The following CAMK2B variants were observed in gnomAD, a reference collection of about 807,000 sequenced individuals.
The protein encoded by CAMK2B is calcium/calmodulin dependent protein kinase II beta, also known as calcium/calmodulin-dependent protein kinase type II subunit beta.
A neutral mutation model predicts 93.7 loss-of-function variants in CAMK2B; 27 were observed. The ratio of observed to expected loss-of-function variants is 0.29; its 90% confidence interval spans 0.21 to 0.40. CAMK2B has a LOEUF of 0.40. CAMK2B is among the 10% of genes least tolerant of loss of function. The pLI, the probability that CAMK2B is intolerant of heterozygous loss-of-function variation, is 1.00. For missense variants in CAMK2B, 568 were observed against 895.8 expected (o/e 0.63, Z 4.67); for synonymous variants, 374 against 358.8 (o/e 1.04, Z -0.48).
intron 1 of CAMK2B, among the ~76,000 whole-genome samples, chr7:44,292,905 C>T (rs1035561067): frequency 6.6e-6 from 1 of 152,228 alleles, no homozygotes; most frequent in South Asian, 2.1e-4. Flanking sequence ...CACCTGATGT[C>T]CACAAGCTCA....
rs1489828341 is a variant in CAMK2B, at chr7:44,258,892, G to A, written c.255C>T (p.Phe85=). The A allele has an allele frequency of 6.2e-7, 1 of 1,614,026 alleles. No individual in the cohort carries two copies. The highest frequency in any genetic ancestry group is 2.2e-5 in the East Asian group (1 of 44,886). The change falls in exon 4 of 24, where the codon TTC becomes TTT. Residue 85 remains phenylalanine (F), a synonymous_variant. Coordinates refer to ENST00000395749, the MANE Select transcript of CAMK2B (RefSeq NM_001220.5). ...CTTACAGATCGAAGACCAGGTAGTG[G>A]AAGCCCTCCTCGGAGATGCTGTCGT... The part of the protein sequence containing the change: ...RLHDSISEEG[F]HYLVFDLVTG...
chr7:44,229,434 G>T lies in CAMK2B; in HGVS notation c.1293C>A (p.Pro431=). 6.7e-7 allele frequency: 1 copy of T among 1,501,564 alleles called. No individual in the cohort carries two copies. Among genetic ancestry groups the T allele is most frequent in the Non-Finnish European group, 8.9e-7 (1 of 1,126,824 alleles). 93.0% of individuals were successfully genotyped at this position (1,501,564 alleles called of 1,614,324 possible). A position where few individuals can be genotyped will look rare whatever the true frequency, so the allele number is the denominator to read the frequency against. ...RGSGAPEAEG[P]LPCPSPAPFS... Reference sequence around the variant, plus strand: ...AGGGAGCCGGAGATGGGCAGGGCAGGGGCCCCTCGGCTTCTGGGGCTCCCG... The same window carrying T: ...AGGGAGCCGGAGATGGGCAGGGCAGTGGCCCCTCGGCTTCTGGGGCTCCCG... Residue 431 remains proline (P), a synonymous_variant, in exon 18 of 24, where the codon CCC becomes CCA. Transcript: ENST00000395749.
At chr7:44,260,305 C>T (rs1174017364) in intron 3 of CAMK2B, among the ~76,000 whole-genome samples, 1 of 152,156 alleles carries the variant, frequency 6.6e-6, no homozygotes, top group African/African-American at 2.4e-5. Context: ...AGCCTGATAG[C>T]GTCCTTACAT....
At chr7:44,294,196 C>T (rs1298992835) in intron 1 of CAMK2B, among the ~76,000 whole-genome samples, 1 of 152,168 alleles carries the variant, frequency 6.6e-6, no homozygotes, top group Non-Finnish European at 1.5e-5. Flanking sequence ...CTGCCCTCGC[C>T]AAAGTCCCCA....
chr7:44,302,632 C>T (rs569389460), intron 1 of CAMK2B, among the ~76,000 whole-genome samples: 1 of 152,212 alleles, frequency 6.6e-6, no homozygotes, highest in South Asian at 2.1e-4. Flanking sequence ...TCCAATGCGT[C>T]AACAAGGTAA....
intron 18 of CAMK2B, 28 bp from the exon 19 acceptor site, chr7:44,228,952 A>C (rs377236573): frequency 6.3e-7 from 1 of 1,599,914 alleles, no homozygotes; most frequent in African/African-American, 1.3e-5. Flanking sequence ...AGACGTGAAC[A>C]TGAGGCAGAC....
intron 1 of CAMK2B, among the ~76,000 whole-genome samples, chr7:44,300,158 C>T (rs1789551488): frequency 1.3e-5 from 2 of 151,740 alleles, no homozygotes; most frequent in South Asian, 4.2e-4. Context: ...GCTCAGTCTC[C>T]CAAGTAGATG....
chr7:44,237,694 C>A (rs1325391516), intron 13 of CAMK2B, among the ~76,000 whole-genome samples: 1 of 152,212 alleles, frequency 6.6e-6, no homozygotes, highest in Non-Finnish European at 1.5e-5. Context: ...TTCAAGGGCA[C>A]GGGAACTTCC....
chr7:44,284,858 G>A (rs1432434314), intron 1 of CAMK2B, among the ~76,000 whole-genome samples: 1 of 152,128 alleles, frequency 6.6e-6, no homozygotes, highest in Non-Finnish European at 1.5e-5. Context: ...AGGTGTCAAC[G>A]CAGAGGCCAT....
At chr7:44,262,034 T>C (rs2096883084) in intron 3 of CAMK2B, among the ~76,000 whole-genome samples, 1 of 152,200 alleles carries the variant, frequency 6.6e-6, no homozygotes, top group South Asian at 2.1e-4. Context: ...CTGGGTCCAA[T>C]GGGGCACCTG....
At chr7:44,251,357 C>T (rs1428780918) in intron 5 of CAMK2B, among the ~76,000 whole-genome samples, 1 of 151,786 alleles carries the variant, frequency 6.6e-6, no homozygotes, top group African/African-American at 2.4e-5. Context: ...GTCAGACTCT[C>T]CACCGAGCTC....
At chr7:44,299,195 A>T (rs1318513063) in intron 1 of CAMK2B, among the ~76,000 whole-genome samples, 1 of 152,272 alleles carries the variant, frequency 6.6e-6, no homozygotes, top group Non-Finnish European at 1.5e-5. Flanking sequence ...ATATACAATG[A>T]ATATTATTCA....
At chr7:44,309,568 G>T (rs756905302) in intron 1 of CAMK2B, among the ~76,000 whole-genome samples, 1 of 152,234 alleles carries the variant, frequency 6.6e-6, no homozygotes, top group Non-Finnish European at 1.5e-5. Context: ...ACAGGCAGAA[G>T]CGGTCCCCAT....
At chr7:44,245,009 C>G (rs777245634) in intron 6 of CAMK2B, 21 of 455,328 alleles carry the variant, frequency 4.6e-5, no homozygotes, top group African/African-American at 1.4e-4. Context: ...CCAAGCTCCC[C>G]GTGCAGCTAC....
chr7:44,283,278 C>T lies in CAMK2B; in HGVS notation c.160+853G>A, dbSNP rs570616666. ...GATTTTGGGTTTTGTTTGTCCTCGA[C>T]CTGCCCCACAGGACAAGGACAGCAC... On this transcript the variant is annotated intron_variant, in intron 2 of 23. Transcript: ENST00000395749. Among the ~76,000 whole-genome samples the T allele has an allele frequency of 2.0e-5, 3 of 152,246 alleles. No homozygotes were observed. In the South Asian group the frequency reaches 6.2e-4, roughly 31 times the overall value.
chr7:44,291,534 C>A (rs1034892249), intron 1 of CAMK2B, among the ~76,000 whole-genome samples: 10 of 152,244 alleles, frequency 6.6e-5, no homozygotes, highest in African/African-American at 2.4e-4. Flanking sequence ...CCAAACTCGG[C>A]CACAGCCTGG....
Position 44,220,050 on chromosome 7 carries a change from G to A in CAMK2B, c.*2+10C>T, listed in dbSNP as rs927998576. On this transcript the variant is annotated intron_variant, in intron 23 of 23. Coordinates refer to ENST00000395749, the MANE Select transcript of CAMK2B (RefSeq NM_001220.5). ...TCTGCCCCAGCTGTCACTTAGCACA[G>A]AACACTCACCTTCACTGCAGCGGGG... The A allele has an allele frequency of 2.6e-6, 4 of 1,559,290 alleles. No homozygotes were observed. The highest frequency in any genetic ancestry group is 3.5e-6 in the Non-Finnish European group (4 of 1,156,328).
chr7:44,232,365 G>A lies in CAMK2B; in HGVS notation c.1176+457C>T, dbSNP rs1156879915. On this transcript the variant is annotated intron_variant, in intron 16 of 23. Coordinates refer to ENST00000395749, the MANE Select transcript of CAMK2B (RefSeq NM_001220.5). ...CCTTCCCTGGCCCCAGAGTGATGAT[G>A]CCAATGTGATGGGAGCTGATGGCCA... Among the ~76,000 whole-genome samples the A allele has an allele frequency of 3.3e-5, 5 of 152,320 alleles. No individual in the cohort carries two copies. In the East Asian group the frequency reaches 9.6e-4, roughly 29 times the overall value.
At chr7:44,284,301 C>T (rs1784489375) in intron 1 of CAMK2B, 76 bp from the exon 2 acceptor site, 1 of 1,018,716 alleles carries the variant, frequency 9.8e-7, no homozygotes. Flanking sequence ...GATTAATCTC[C>T]CCATAAACAC....
Sources: allele counts gnomAD v4.1 joint callset (sites outside exome capture counted in the v4.1 genomes callset), GRCh38; gene constraint gnomAD v4.1.1; transcripts MANE v1.5; gene names NCBI Gene and HGNC (gene_info 2026-07-23, HGNC 2026-07-21).